RABGAP1L: variants seen among roughly 807,000 people sequenced by gnomAD.
RABGAP1L encodes rab GTPase-activating protein 1-like.
Under a neutral mutation model 137.7 loss-of-function variants are expected in RABGAP1L, and 63 were observed. The observed-to-expected ratio is 0.46, with a 90% CI of 0.37 to 0.56. The LOEUF (loss-of-function observed/expected upper bound fraction) is 0.56, where lower values mean the gene tolerates loss of function less well. Among genes scored for constraint, RABGAP1L ranks in the 20% least tolerant of loss-of-function variants. The probability of loss-of-function intolerance (pLI) is 0.00; values close to 1 mark genes in which losing one functional copy is unlikely to be tolerated. For synonymous variants in RABGAP1L, 431 were observed against 433.7 expected, an observed-to-expected ratio of 0.99 and a Z score of 0.08; for missense variants, 1,095 against 1,244.0, an observed-to-expected ratio of 0.88 and a Z score of 1.80.
At chr1:174,937,049 G>A (rs997229659) in intron 19 of RABGAP1L, among the ~76,000 whole-genome samples, 3 of 134,690 alleles carry the variant, frequency 2.2e-5, no homozygotes, top group South Asian at 4.6e-4. Flanking sequence ...GTATGATCTC[G>A]GCTCACTGCA....
rs1355506899 is a variant in RABGAP1L at position 174,811,008 on chromosome 1, G to A, written c.2212-824G>A. ...TTCCATCTACTCAGGAGGCTGAGGC[G>A]GGAGGATCACTTGAGCCTGGGAGGT... On this transcript the variant is annotated intron_variant, in intron 18 of 25. Transcript: ENST00000681986. 3.9e-5 allele frequency among the ~76,000 whole-genome samples: 6 copies of A among 151,990 alleles called. No homozygotes were observed. The South Asian group carries it at 6.2e-4, about 16-fold the overall frequency.
intron 10 of RABGAP1L, among the ~76,000 whole-genome samples, chr1:174,283,548 C>T (rs1416809708): frequency 1.3e-5 from 2 of 151,700 alleles, no homozygotes; most frequent in African/African-American, 4.8e-5. Flanking sequence ...AACTTGTTGC[C>T]CAGGCTGGAG....
At chr1:174,527,450 G>A (rs879371578) in intron 13 of RABGAP1L, among the ~76,000 whole-genome samples, 15 of 151,966 alleles carry the variant, frequency 9.9e-5, no homozygotes, top group South Asian at 2.1e-4. Flanking sequence ...CAGGTGATCC[G>A]CTGCCTCGGC....
intron 11 of RABGAP1L, among the ~76,000 whole-genome samples, chr1:174,330,793 T>A (rs1456986630): frequency 6.6e-6 from 1 of 152,116 alleles, no homozygotes; most frequent in Non-Finnish European, 1.5e-5. Flanking sequence ...CAGTGCAATT[T>A]CTATCAAAAT....
At chr1:174,711,927 T>C (rs898158714) in intron 17 of RABGAP1L, among the ~76,000 whole-genome samples, 1 of 152,210 alleles carries the variant, frequency 6.6e-6, no homozygotes, top group Non-Finnish European at 1.5e-5. Context: ...AATGCACCAG[T>C]CAGCACTGTG....
At chr1:174,859,182 T>C (rs1324305736) in intron 19 of RABGAP1L, among the ~76,000 whole-genome samples, 1 of 152,180 alleles carries the variant, frequency 6.6e-6, no homozygotes, top group Non-Finnish European at 1.5e-5. Flanking sequence ...AGTGATAGAC[T>C]GTTTAAAGAA....
intron 3 of RABGAP1L, among the ~76,000 whole-genome samples, chr1:174,224,913 G>A (rs910673531): frequency 1.3e-5 from 2 of 151,440 alleles, no homozygotes; most frequent in South Asian, 2.1e-4. Context: ...TTGATTATCT[G>A]TGTGTGGTTT....
intron 19 of RABGAP1L, among the ~76,000 whole-genome samples, chr1:174,936,424 G>GAAACC (rs1417306024): frequency 1.3e-5 from 2 of 151,866 alleles, no homozygotes; most frequent in African/African-American, 4.8e-5. Context: ...GCAACATGGC[G>GAAACC]AAACCCTGTC....
intron 13 of RABGAP1L, among the ~76,000 whole-genome samples, chr1:174,457,325 A>G (rs1656146644): frequency 6.6e-6 from 1 of 152,098 alleles, no homozygotes; most frequent in African/African-American, 2.4e-5. Flanking sequence ...AAGTAAAAGA[A>G]AATATTCTTT....
chr1:174,812,078 G>A, intron 19 of RABGAP1L, 118 bp downstream of exon 19: 2 of 946,750 alleles, frequency 2.1e-6, no homozygotes, highest in Middle Eastern at 3.3e-4. Flanking sequence ...ATTAGATTGT[G>A]TATGAACTGA....
intron 13 of RABGAP1L, among the ~76,000 whole-genome samples, chr1:174,634,982 A>G (rs1673831440): frequency 6.6e-6 from 1 of 150,524 alleles, no homozygotes; most frequent in Admixed American, 6.6e-5. Context: ...ATGTATACAT[A>G]TGTATCTAAC....
At position 174,981,550 on chromosome 1, in the gene RABGAP1L, C is replaced by CTTTTTTTTTTTTTTTTTTTTTTTTT. The variant is rs10556099; in HGVS notation, c.2734-1277_2734-1253dup. Among the ~76,000 whole-genome samples the CTTTTTTTTTTTTTTTTTTTTTTTTT allele has an allele frequency of 1.2e-4, 8 of 66,408 alleles. 1 individual carries two copies. Among genetic ancestry groups the CTTTTTTTTTTTTTTTTTTTTTTTTT allele is most frequent in the Admixed American group, 2.1e-4 (1 of 4,684 alleles). The allele number at this position is 66,408 out of a possible 152,430, so 43.6% of individuals were successfully genotyped here. On this transcript the variant is annotated intron_variant, in intron 23 of 25. Coordinates refer to ENST00000681986, the MANE Select transcript of RABGAP1L (RefSeq NM_001366446.1). Reference sequence around the variant, plus strand: ...AATTTCACATCCCCTGTTTTTCCATCTTTTTTTTTTTTTTTTTTTTTTTTT... The same window carrying CTTTTTTTTTTTTTTTTTTTTTTTTT: ...AATTTCACATCCCCTGTTTTTCCATCTTTTTTTTTTTTTTTTTTTTTTTTTTTTTTTTTTTTTTTTTTTTTTTTTT...
At chr1:174,508,840 T>C (rs749022713) in intron 13 of RABGAP1L, among the ~76,000 whole-genome samples, 8 of 152,150 alleles carry the variant, frequency 5.3e-5, no homozygotes, top group Non-Finnish European at 1.2e-4. Flanking sequence ...GACTCTGATA[T>C]ACAAACAATG....
chr1:174,869,477 G>A (rs938855104), intron 19 of RABGAP1L, among the ~76,000 whole-genome samples: 3 of 152,038 alleles, frequency 2.0e-5, no homozygotes, highest in Non-Finnish European at 4.4e-5. Context: ...TTCACCTTCC[G>A]CCATGATTGT....
Position 174,481,893 on chromosome 1 carries a change from G to GA in RABGAP1L, c.1710+87757dup, listed in dbSNP as rs554061082. Among the ~76,000 whole-genome samples, 10 of 132,278 alleles carry GA rather than the reference G, an allele frequency of 7.6e-5. No homozygotes were observed. In the East Asian group the frequency reaches 1.3e-3, roughly 18 times the overall value. 86.8% of individuals were successfully genotyped at this position (132,278 alleles called of 152,430 possible). A position where few individuals can be genotyped will look rare whatever the true frequency, so the allele number is the denominator to read the frequency against. On this transcript the variant is annotated intron_variant, in intron 13 of 25. Coordinates refer to ENST00000681986, the MANE Select transcript of RABGAP1L (RefSeq NM_001366446.1). The stretch of plus-strand genomic sequence containing the variant: ...GTATAATAAAAAATAAAAAAAAAAA[G>GA]AAAAAAAAAGAAAAAAAAAAGAAAC...
At chr1:174,242,112 T>G (rs1227534319) in intron 5 of RABGAP1L, among the ~76,000 whole-genome samples, 1 of 152,244 alleles carries the variant, frequency 6.6e-6, no homozygotes, top group Non-Finnish European at 1.5e-5. Flanking sequence ...TCATTGATGA[T>G]TATTTGTTTT....
At chr1:174,725,856 C>A (rs1681937344) in intron 17 of RABGAP1L, among the ~76,000 whole-genome samples, 1 of 151,990 alleles carries the variant, frequency 6.6e-6, no homozygotes, top group Admixed American at 6.6e-5. Flanking sequence ...AGGGATAGCA[C>A]TGGGAGATAT....
In RABGAP1L at chr1:174,649,804, T is replaced by G. The variant is rs564639721; in HGVS notation, c.1824+12316T>G. On this transcript the variant is annotated intron_variant, in intron 14 of 25. Transcript: ENST00000681986. ...AAACGGACAATTTGACTTCCTCTTTTCCTAACTGAATACCCTTTATTTCCT... is the reference window on the plus strand; with the variant it reads ...AAACGGACAATTTGACTTCCTCTTTGCCTAACTGAATACCCTTTATTTCCT... Among the ~76,000 whole-genome samples the G allele has an allele frequency of 7.2e-4, 109 of 152,308 alleles. No homozygotes were observed. The South Asian group carries it at 7.2e-3, about 10-fold the overall frequency.
rs1692580118 is a variant in RABGAP1L at position 174,834,928 on chromosome 1, A to G, written c.2340+22968A>G. Among the ~76,000 whole-genome samples, 3 of 152,190 alleles carry G rather than the reference A, an allele frequency of 2.0e-5. 1 individual carries two copies. The South Asian group carries it at 6.2e-4, about 31-fold the overall frequency. On this transcript the variant is annotated intron_variant, in intron 19 of 25. Transcript: ENST00000681986. ...TGCAGGTCCTTGAAGGCCTTGGTTA[A>G]GAGTTTGAATTGTATCCTGCAAATC...
Sources: gnomAD v4.1 joint callset for allele counts (sites outside exome capture counted in the v4.1 genomes callset) on GRCh38, gnomAD v4.1.1 for gene constraint, MANE v1.5 for transcripts, NCBI Gene and HGNC (gene_info 2026-07-23, HGNC 2026-07-21) for gene names.